The following GGT1 variants were observed in gnomAD, a reference collection of about 807,000 sequenced individuals.
GGT1 encodes glutathione hydrolase 1 proenzyme.
Under a neutral mutation model 56.0 loss-of-function variants are expected in GGT1, and 21 were observed. The observed-to-expected ratio is 0.38, with a 90% CI of 0.27 to 0.54. The LOEUF (loss-of-function observed/expected upper bound fraction) is 0.54. GGT1 is among the 20% of genes least tolerant of loss of function. GGT1 has a pLI of 0.82. For synonymous variants in GGT1, 238 were observed against 342.6 expected (o/e 0.69, Z 3.37); for missense variants, 466 against 787.0 (o/e 0.59, Z 4.88).
intron 1 of GGT1, among the ~76,000 whole-genome samples, chr22:24,605,356 ATATGTATTATATATTATATAATAT>A (rs2046082405): frequency 3.4e-5 from 2 of 59,520 alleles, no homozygotes; most frequent in Non-Finnish European, 5.3e-5. Flanking sequence ...ATATTATATA[ATATGTATTATATATTATATAATAT>A]TATAATATGT....
In GGT1 at chr22:24,628,034, T is replaced by C; in HGVS notation, c.1337-47T>C. 1.2e-6 allele frequency: 2 copies of C among 1,611,028 alleles called. No individual in the cohort carries two copies. The highest frequency in any genetic ancestry group is 1.7e-6 in the Non-Finnish European group (2 of 1,179,548). ...CTGGGGTGGAGAGGGGCGGGTGTCCTGGGCAGGCAGCTGACGGGCATCCCT... is the reference window on the plus strand; with the variant it reads ...CTGGGGTGGAGAGGGGCGGGTGTCCCGGGCAGGCAGCTGACGGGCATCCCT... On this transcript the variant is annotated intron_variant, in intron 13 of 15. Coordinates refer to ENST00000400382, the MANE Select transcript of GGT1 (RefSeq NM_001288833.2). This position sits in a 1 kb window ranked among gnomAD's most constrained non-coding sequence, Gnocchi z 5.7.
In GGT1 at chr22:24,611,202, G is replaced by C; in HGVS notation, c.121G>C (p.Ala41Pro). The C allele has an allele frequency of 6.3e-7, 1 of 1,582,878 alleles. No individual in the cohort carries two copies. Among genetic ancestry groups the C allele is most frequent in the East Asian group, 2.3e-5 (1 of 43,606 alleles). ...KEPDNHVYTR[A>P]AVAADAKQCS... Reference sequence around the variant, plus strand: ...ACCTGACAACCATGTGTACACCAGGGCTGCCGTGGCCGCGGATGCCAAGCA... The same window carrying C: ...ACCTGACAACCATGTGTACACCAGGCCTGCCGTGGCCGCGGATGCCAAGCA... Residue 41 changes from alanine to proline, a missense_variant, in exon 5 of 16, where the codon GCT (alanine) becomes CCT (proline). This residue lies in a region of GGT1 where 456 missense variants were observed against 716.7 expected (regional missense o/e 0.64). Transcript: ENST00000400382.
chr22:24,591,026 C>T (rs2045552914), upstream of GGT1, among the ~76,000 whole-genome samples: 2 of 152,250 alleles, frequency 1.3e-5, no homozygotes, highest in Non-Finnish European at 2.9e-5. Flanking sequence ...CACTCCTCCA[C>T]TTTCTCCTCC....
intron 7 of GGT1, among the ~76,000 whole-genome samples, chr22:24,618,494 G>A (rs1313516607): frequency 6.6e-6 from 1 of 152,230 alleles, no homozygotes; most frequent in African/African-American, 2.4e-5. Context: ...GGGAGGCTGA[G>A]GCAGGAGAAT....
At chr22:24,617,178 A>T (rs1050483413) in intron 7 of GGT1, among the ~76,000 whole-genome samples, 3 of 152,198 alleles carry the variant, frequency 2.0e-5, no homozygotes, top group Non-Finnish European at 4.4e-5. Context: ...GGAAGGGGAC[A>T]TCTGAGCAAA....
the GGT1 span, chr22:24,586,232 A>G: frequency 4.9e-5 from 79 of 1,613,596 alleles, no homozygotes; most frequent in Non-Finnish European, 3.9e-5. Flanking sequence ...CAGGCTGGGC[A>G]GCAGGAGGTG....
chr22:24,589,232 T>G, the GGT1 span: 1 of 1,261,340 alleles, frequency 7.9e-7, no homozygotes, highest in Non-Finnish European at 1.0e-6. Flanking sequence ...TGGCAGGACA[T>G]CTGCAGGTGC....
rs373393964 is a variant in GGT1 at position 24,627,937 on chromosome 22, G to A, written c.1294G>A (p.Glu432Lys). 2.0e-4 allele frequency: 329 copies of A among 1,613,354 alleles called. 2 individuals are homozygous for A. The Middle Eastern group carries it at 3.3e-3, about 16-fold the overall frequency. Residue 432 changes from glutamate (E) to lysine (K), a missense_variant, in exon 13 of 16, where the codon GAG becomes AAG. Coordinates refer to ENST00000400382, the MANE Select transcript of GGT1 (RefSeq NM_001288833.2). ...DDFSSPSITN[E>K]FGVPPSPANF... ...CTTCAGCTCTCCCAGCATCACCAACGAGTTTGGGGTACCCCCCTCACCTGC... is the reference window on the plus strand; with the variant it reads ...CTTCAGCTCTCCCAGCATCACCAACAAGTTTGGGGTACCCCCCTCACCTGC...
At chr22:24,595,419 T>C (rs1469944974) in intron 1 of GGT1, among the ~76,000 whole-genome samples, 1 of 152,214 alleles carries the variant, frequency 6.6e-6, no homozygotes, top group Non-Finnish European at 1.5e-5. Flanking sequence ...GGAGGGCTGC[T>C]GGCCCGTCTC....
At chr22:24,585,154 G>A in the GGT1 span, among the ~76,000 whole-genome samples, 1 of 152,170 alleles carries the variant, frequency 6.6e-6, no homozygotes, top group South Asian at 2.1e-4. Flanking sequence ...CTGGGGCTGG[G>A]TCCTGAGGGT....
chr22:24,597,423 C>T (rs532526318), intron 1 of GGT1, among the ~76,000 whole-genome samples: 12 of 152,272 alleles, frequency 7.9e-5, no homozygotes, highest in Admixed American at 7.2e-4. Flanking sequence ...CCTATAATTC[C>T]AGCACTTTGG....
chr22:24,588,742 G>C, the GGT1 span: 1 of 1,051,984 alleles, frequency 9.5e-7, no homozygotes, highest in Non-Finnish European at 1.2e-6. Context: ...GCCAATCCCA[G>C]GGAGTAGGAA....
At chr22:24,605,436 A>T in intron 1 of GGT1, among the ~76,000 whole-genome samples, 1 of 79,068 alleles carries the variant, frequency 1.3e-5, no homozygotes, top group African/African-American at 5.9e-5. Flanking sequence ...TATATTATAT[A>T]ACAATATATA....
intron 7 of GGT1, among the ~76,000 whole-genome samples, chr22:24,617,705 C>T (rs1170936712): frequency 1.3e-5 from 2 of 151,848 alleles, no homozygotes; most frequent in Non-Finnish European, 2.9e-5. Context: ...GTTTTGGGCA[C>T]GTTGAAGTTT....
chr22:24,586,437 G>A, the GGT1 span: 1 of 1,588,800 alleles, frequency 6.3e-7, no homozygotes, highest in South Asian at 1.1e-5. Context: ...AGGTGGGGAT[G>A]GACTAGGCAA....
chr22:24,588,451 G>A, the GGT1 span: 6,673 of 827,058 alleles, frequency 8.1e-3, 221 homozygotes, highest in Admixed American at 0.083. Context: ...ATGCATCACC[G>A]AGTTGCCCAC....
chr22:24,588,197 G>A, the GGT1 span: 2 of 1,590,990 alleles, frequency 1.3e-6, no homozygotes, highest in Non-Finnish European at 8.6e-7. Flanking sequence ...GAGGGGCAGT[G>A]GCTGGGCTAC....
At position 24,606,211 on chromosome 22, in the gene GGT1, A is replaced by T. The variant is rs188554287; in HGVS notation, c.-428-1743A>T. On this transcript the variant is annotated intron_variant, in intron 1 of 15. Coordinates refer to ENST00000400382, the MANE Select transcript of GGT1 (RefSeq NM_001288833.2). ...GTACAGGTTTGTTACATATGTATAC[A>T]TGTGCCATGTTGGTGTGCTGCACCC... Among the ~76,000 whole-genome samples, 313 of 148,030 alleles carry T rather than the reference A, an allele frequency of 2.1e-3. 1 individual carries two copies. Among genetic ancestry groups the T allele is most frequent in the Non-Finnish European group, 3.3e-3 (223 of 67,592 alleles).
In GGT1 at chr22:24,618,135, A is replaced by G. The variant is rs181886141; in HGVS notation, c.383-2193A>G. ...GTACATGTGAGTGCTTGTTACATGC[A>G]TAGAGTGTATAATGATCAAGGCAGG... On this transcript the variant is annotated intron_variant, in intron 7 of 15. Coordinates refer to ENST00000400382, the MANE Select transcript of GGT1 (RefSeq NM_001288833.2). Among the ~76,000 whole-genome samples, 337 of 152,276 alleles carry G rather than the reference A, an allele frequency of 2.2e-3. 2 individuals carry two copies. Among genetic ancestry groups the G allele is most frequent in the African/African-American group, 7.9e-3 (328 of 41,536 alleles).
Sources: allele counts gnomAD v4.1 joint callset (sites outside exome capture counted in the v4.1 genomes callset), GRCh38; gene constraint gnomAD v4.1.1; regional missense constraint gnomAD v4.1.1; non-coding constraint Gnocchi (gnomAD v3.1); transcripts MANE v1.5; gene names NCBI Gene and HGNC (gene_info 2026-07-23, HGNC 2026-07-21).